CSMD1: variants seen among roughly 807,000 people sequenced by gnomAD.
The protein encoded by CSMD1 is CUB and sushi domain-containing protein 1.
CSMD1 carries 213 observed loss-of-function variants against 417.5 expected under a neutral mutation model. The ratio of observed to expected loss-of-function variants is 0.51; its 90% CI spans 0.46 to 0.57. CSMD1 has a LOEUF of 0.57. Among genes scored for constraint, CSMD1 ranks in the 20% least tolerant of loss-of-function variants. The pLI is 0.00. For missense variants in CSMD1, 6,923 were observed against 4,529.7 expected, an observed-to-expected ratio of 1.53 and a Z score of -15.17; for synonymous variants, 2,862 against 1,736.8, an observed-to-expected ratio of 1.65 and a Z score of -16.11.
At chr8:4,965,099 T>G (rs1349780689) in intron 1 of CSMD1, among the ~76,000 whole-genome samples, 2 of 152,200 alleles carry the variant, frequency 1.3e-5, no homozygotes, top group African/African-American at 4.8e-5. Context: ...GCAAATAGCT[T>G]ATGTAATGTG....
At chr8:4,567,101 G>A (rs1462208560) in intron 2 of CSMD1, among the ~76,000 whole-genome samples, 1 of 150,612 alleles carries the variant, frequency 6.6e-6, no homozygotes, top group East Asian at 1.9e-4. Context: ...ATTTTAAAAT[G>A]TATGGCTTTG....
intron 52 of CSMD1, among the ~76,000 whole-genome samples, chr8:3,007,214 C>G (rs947562466): frequency 1.3e-5 from 2 of 149,994 alleles, no homozygotes; most frequent in African/African-American, 5.0e-5. Context: ...CAAATCAAAA[C>G]CACAATGAGA....
chr8:3,469,104 C>T (rs986352211), intron 11 of CSMD1: 56 of 275,058 alleles, frequency 2.0e-4, no homozygotes, highest in East Asian at 4.0e-4. Flanking sequence ...TTCCTGGAAC[C>T]GAGAGGCTTC....
intron 3 of CSMD1, among the ~76,000 whole-genome samples, chr8:4,390,893 T>C (rs899007726): frequency 1.3e-5 from 2 of 152,078 alleles, no homozygotes; most frequent in African/African-American, 4.8e-5. Flanking sequence ...TTGTCCTTAG[T>C]CCCCCAAAAT....
At chr8:3,235,996 C>T (rs997329030) in intron 26 of CSMD1, among the ~76,000 whole-genome samples, 13 of 143,060 alleles carry the variant, frequency 9.1e-5, no homozygotes, top group African/African-American at 3.3e-4. Context: ...CGGCTCACTG[C>T]AAGCTCCGCC....
At chr8:4,087,639 C>A (rs959847872) in intron 3 of CSMD1, among the ~76,000 whole-genome samples, 1 of 152,166 alleles carries the variant, frequency 6.6e-6, no homozygotes, top group South Asian at 2.1e-4. Context: ...TCGATACTCT[C>A]ACATTCTTAC....
At chr8:4,519,710 T>C (rs1001566659) in intron 2 of CSMD1, among the ~76,000 whole-genome samples, 10 of 118,440 alleles carry the variant, frequency 8.4e-5, no homozygotes, top group Non-Finnish European at 1.4e-4. Flanking sequence ...ACTACTGCAC[T>C]CCAGCCTAGG....
chr8:3,985,865 G>A (rs1427850477), intron 5 of CSMD1, among the ~76,000 whole-genome samples: 2 of 151,392 alleles, frequency 1.3e-5, no homozygotes, highest in Non-Finnish European at 2.9e-5. Flanking sequence ...CTGAGCATCA[G>A]ATAATTTTTC....
chr8:3,886,767 T>G (rs1013478589), intron 5 of CSMD1, among the ~76,000 whole-genome samples: 17 of 152,148 alleles, frequency 1.1e-4, no homozygotes, highest in African/African-American at 3.9e-4. Context: ...GGACACAGAC[T>G]TAGGGACAGA....
At chr8:3,687,425 C>A (rs1277913091) in intron 7 of CSMD1, among the ~76,000 whole-genome samples, 1 of 152,186 alleles carries the variant, frequency 6.6e-6, no homozygotes, top group South Asian at 2.1e-4. Context: ...GGAAAACTTG[C>A]CTCTCAAATA....
At chr8:3,365,150 A>T (rs1809471297) in intron 20 of CSMD1, among the ~76,000 whole-genome samples, 1 of 152,154 alleles carries the variant, frequency 6.6e-6, no homozygotes. Flanking sequence ...GGGATTTAGG[A>T]ATTAGTGTTG....
chr8:4,691,328 CT>C (rs1318774776), intron 1 of CSMD1, among the ~76,000 whole-genome samples: 6 of 152,160 alleles, frequency 3.9e-5, no homozygotes, highest in African/African-American at 1.4e-4. Context: ...CTGATAACCT[CT>C]ACCACAGGCT....
chr8:4,595,918 G>C (rs943099124), intron 2 of CSMD1, among the ~76,000 whole-genome samples: 3 of 152,108 alleles, frequency 2.0e-5, no homozygotes, highest in African/African-American at 4.8e-5. Context: ...CTTAAGGCCT[G>C]ACTGTAAATC....
chr8:4,485,216 C>T (rs978827557), intron 2 of CSMD1, among the ~76,000 whole-genome samples: 1 of 152,032 alleles, frequency 6.6e-6, no homozygotes, highest in Non-Finnish European at 1.5e-5. Context: ...CTCTAGGATC[C>T]TACTTTTCAT....
intron 2 of CSMD1, among the ~76,000 whole-genome samples, chr8:4,512,223 A>C (rs1802860065): frequency 6.6e-6 from 1 of 152,236 alleles, no homozygotes; most frequent in African/African-American, 2.4e-5. Flanking sequence ...AGCAATTAAC[A>C]AAATCCAATA....
intron 44 of CSMD1, 139 bp from the exon 45 acceptor site, chr8:3,107,937 T>A (rs1193845713): frequency 3.6e-6 from 2 of 559,334 alleles, no homozygotes; most frequent in Non-Finnish European, 6.2e-6. Context: ...GAATCATAGC[T>A]TTATAAAATT....
rs143749426 is a variant in CSMD1 at position 3,899,545 on chromosome 8, G to C, written c.818+98358C>G. Among the ~76,000 whole-genome samples the C allele has an allele frequency of 1.9e-3, 283 of 152,158 alleles. 3 individuals are homozygous for C. Among genetic ancestry groups the C allele is most frequent in the African/African-American group, 6.4e-3 (267 of 41,520 alleles). On this transcript the variant is annotated intron_variant, in intron 5 of 69. Coordinates refer to ENST00000635120, the MANE Select transcript of CSMD1 (RefSeq NM_033225.6). ...CATAAGGAAGTGGAAAAACATCTAA[G>C]GACATTAAAAAGAAGGTTGTTGTTG...
In CSMD1 at chr8:4,177,210, G is replaced by C. The variant is rs200642093; in HGVS notation, c.416-145111C>G. Among the ~76,000 whole-genome samples, 188 of 152,182 alleles carry C rather than the reference G, an allele frequency of 1.2e-3. 3 individuals carry two copies. The highest frequency in any genetic ancestry group is 9.1e-3 in the East Asian group (47 of 5,172). ...GCTCTCCTCAGCAAATGTAAAAGAAGAGAAATTATAACAAACTGTCTCTCA... is the reference window on the plus strand; with the variant it reads ...GCTCTCCTCAGCAAATGTAAAAGAACAGAAATTATAACAAACTGTCTCTCA... On this transcript the variant is annotated intron_variant, in intron 3 of 69. Transcript: ENST00000635120.
chr8:3,335,786 A>G (rs1351009082), intron 23 of CSMD1, among the ~76,000 whole-genome samples: 1 of 152,200 alleles, frequency 6.6e-6, no homozygotes, highest in Non-Finnish European at 1.5e-5. Context: ...CAATGTCACT[A>G]ATTCTCACAA....
Sources: allele counts gnomAD v4.1 joint callset (sites outside exome capture counted in the v4.1 genomes callset), GRCh38; gene constraint gnomAD v4.1.1; transcripts MANE v1.5; gene names NCBI Gene and HGNC (gene_info 2026-07-23, HGNC 2026-07-21).